Variants in CAMK1D observed in about 807,000 individuals in gnomAD.
The protein encoded by CAMK1D is calcium/calmodulin-dependent protein kinase type 1D.
In CAMK1D, 9 loss-of-function variants were observed where a neutral mutation model predicts 47.7. The ratio of observed to expected loss-of-function variants is 0.19; its 90% CI spans 0.11 to 0.33. CAMK1D has a LOEUF of 0.33. Ranked by LOEUF, CAMK1D falls within the 10% of genes least tolerant of loss-of-function variation. The probability of loss-of-function intolerance (pLI) is 1.00; values close to 1 mark genes in which losing one functional copy is unlikely to be tolerated. For synonymous variants in CAMK1D, 184 were observed against 184.9 expected, an observed-to-expected ratio of 0.99 and a Z score of 0.04; for missense variants, 291 against 488.7, an observed-to-expected ratio of 0.60 and a Z score of 3.81.
chr10:12,471,039 C>T (rs1295333823), intron 1 of CAMK1D, among the ~76,000 whole-genome samples: 1 of 152,182 alleles, frequency 6.6e-6, no homozygotes. Flanking sequence ...CCTTTTCCTC[C>T]TTCCTCCCTT....
At chr10:12,682,637 A>T (rs1476397136) in intron 3 of CAMK1D, among the ~76,000 whole-genome samples, 6 of 152,220 alleles carry the variant, frequency 3.9e-5, no homozygotes, top group Non-Finnish European at 8.8e-5. Flanking sequence ...TCAATTGAAG[A>T]AGGTGTGGAC....
intron 1 of CAMK1D, among the ~76,000 whole-genome samples, chr10:12,458,152 G>A (rs1033651090): frequency 2.6e-5 from 4 of 152,192 alleles, no homozygotes; most frequent in African/African-American, 4.8e-5. Flanking sequence ...ATCTGCAAAT[G>A]CATACCGAGC....
At chr10:12,704,407 A>T (rs1833651087) in intron 3 of CAMK1D, among the ~76,000 whole-genome samples, 1 of 152,214 alleles carries the variant, frequency 6.6e-6, no homozygotes, top group Non-Finnish European at 1.5e-5. Flanking sequence ...AGGGACCAGT[A>T]TAAATGTGGG....
At chr10:12,485,232 G>A (rs558106073) in intron 1 of CAMK1D, among the ~76,000 whole-genome samples, 6 of 152,280 alleles carry the variant, frequency 3.9e-5, no homozygotes, top group Non-Finnish European at 8.8e-5. Context: ...GAGTGAGACC[G>A]AGCTAGGGGA....
intron 1 of CAMK1D, among the ~76,000 whole-genome samples, chr10:12,469,639 A>T (rs1833690545): frequency 6.6e-6 from 1 of 152,238 alleles, no homozygotes. Context: ...AGCTAATATC[A>T]TAAAAAGCTT....
intron 1 of CAMK1D, among the ~76,000 whole-genome samples, chr10:12,419,695 C>A (rs1839984500): frequency 6.6e-6 from 1 of 150,610 alleles, no homozygotes; most frequent in Non-Finnish European, 1.5e-5. Context: ...TTGTTAACTT[C>A]TAGGTTGCAG....
chr10:12,688,651 A>T (rs1411138415), intron 3 of CAMK1D, among the ~76,000 whole-genome samples: 2 of 152,106 alleles, frequency 1.3e-5, no homozygotes, highest in East Asian at 1.9e-4. Flanking sequence ...TTAGCCTCAG[A>T]TGTCTCTAAA....
At chr10:12,778,034 T>C (rs1837338921) in intron 5 of CAMK1D, among the ~76,000 whole-genome samples, 1 of 152,236 alleles carries the variant, frequency 6.6e-6, no homozygotes, top group Non-Finnish European at 1.5e-5. Context: ...ATGGTGTCTT[T>C]GTATTTAGAA....
At chr10:12,646,864 C>T (rs542724486) in intron 2 of CAMK1D, among the ~76,000 whole-genome samples, 2 of 152,068 alleles carry the variant, frequency 1.3e-5, no homozygotes, top group South Asian at 2.1e-4. Context: ...ATTTTGTTTG[C>T]AGAGTCTCAC....
At chr10:12,681,206 A>C (rs139196997) in intron 3 of CAMK1D, among the ~76,000 whole-genome samples, 209 of 152,356 alleles carry the variant, frequency 1.4e-3, no homozygotes, top group African/African-American at 4.9e-3. Context: ...CGGCTCTATC[A>C]TCCTGATCGC....
intron 2 of CAMK1D, among the ~76,000 whole-genome samples, chr10:12,560,382 G>C (rs1483043353): frequency 6.6e-6 from 1 of 151,772 alleles, no homozygotes; most frequent in Non-Finnish European, 1.5e-5. Flanking sequence ...GTGAAACCCC[G>C]TCTCTACCAA....
intron 3 of CAMK1D, among the ~76,000 whole-genome samples, chr10:12,742,159 A>G (rs774381620): frequency 1.3e-5 from 2 of 152,202 alleles, no homozygotes; most frequent in African/African-American, 4.8e-5. Context: ...ATTTTTAGAC[A>G]GGGTCTCGCT....
intron 1 of CAMK1D, among the ~76,000 whole-genome samples, chr10:12,480,227 T>A (rs1398615281): frequency 6.6e-6 from 1 of 152,054 alleles, no homozygotes; most frequent in Non-Finnish European, 1.5e-5. Context: ...AGATGGGTGG[T>A]CAGGAGTTCG....
At chr10:12,424,778 C>T (rs1000277566) in intron 1 of CAMK1D, among the ~76,000 whole-genome samples, 4 of 152,146 alleles carry the variant, frequency 2.6e-5, no homozygotes, top group African/African-American at 9.7e-5. Flanking sequence ...CATTGCACTC[C>T]AGCCTGGGCA....
chr10:12,745,320 G>A (rs1265301886), intron 3 of CAMK1D, among the ~76,000 whole-genome samples: 2 of 152,080 alleles, frequency 1.3e-5, no homozygotes, highest in Admixed American at 6.5e-5. Context: ...GTGAGCCACC[G>A]TGCCCAGCTG....
chr10:12,459,937 TAACAC>T (rs1490053589), intron 1 of CAMK1D, among the ~76,000 whole-genome samples: 5 of 152,068 alleles, frequency 3.3e-5, no homozygotes, highest in African/African-American at 9.7e-5. Context: ...GAAGGAAAAA[TAACAC>T]AGACTGGGCA....
intron 1 of CAMK1D, among the ~76,000 whole-genome samples, chr10:12,401,195 T>A (rs563454257): frequency 1.1e-4 from 4 of 36,488 alleles, no homozygotes; most frequent in Non-Finnish European, 1.8e-4. Context: ...ATATATATTT[T>A]ATATATATAT....
At chr10:12,454,405 A>G (rs1833181142) in intron 1 of CAMK1D, among the ~76,000 whole-genome samples, 1 of 152,042 alleles carries the variant, frequency 6.6e-6, no homozygotes, top group African/African-American at 2.4e-5. Flanking sequence ...CTTGTGATCC[A>G]TCTGCCTCGT....
At chr10:12,688,727 C>G (rs1056897740) in intron 3 of CAMK1D, among the ~76,000 whole-genome samples, 2 of 152,072 alleles carry the variant, frequency 1.3e-5, no homozygotes, top group Non-Finnish European at 2.9e-5. Flanking sequence ...TCTTGTCGCC[C>G]AGGCTGGAGT....
Sources: allele counts gnomAD v4.1 joint callset (sites outside exome capture counted in the v4.1 genomes callset), GRCh38; gene constraint gnomAD v4.1.1; transcripts MANE v1.5; gene names NCBI Gene and HGNC (gene_info 2026-07-23, HGNC 2026-07-21).